MSANTD2: variants seen among roughly 807,000 people sequenced by gnomAD.
The protein encoded by MSANTD2 is Myb/SANT DNA binding domain containing 2.
In MSANTD2, 19 loss-of-function variants were observed where a neutral mutation model predicts 52.6. That is an observed-to-expected ratio of 0.36 (90% CI 0.25 to 0.53). The LOEUF (loss-of-function observed/expected upper bound fraction) is 0.53. MSANTD2 is among the 20% of genes least tolerant of loss of function. The pLI, the probability that MSANTD2 is intolerant of heterozygous loss-of-function variation, is 0.91. For synonymous variants in MSANTD2, 291 were observed against 289.7 expected (o/e 1.00, Z -0.04); for missense variants, 558 against 716.3 (o/e 0.78, Z 2.52).
chr11:124,799,979 C>T lies in MSANTD2; in HGVS notation c.402G>A (p.Thr134=). The change falls in exon 1 of 4, where the codon ACG becomes ACA. Residue 134 remains threonine (T), a synonymous_variant. Transcript: ENST00000374979. The part of the protein sequence containing the change: ...ARYQQLEGAG[T]VFGSKAPGPA... ...GCCCGGGGGCCTTGCTGCCGAACAC[C>T]GTGCCGGCTCCCTCCAGCTGCTGGT... 1.3e-6 allele frequency: 2 copies of T among 1,584,710 alleles called. No homozygotes were observed. The highest frequency in any genetic ancestry group is 1.7e-6 in the Non-Finnish European group (2 of 1,174,720).
chr11:124,794,925 C>T (rs1479197424), intron 1 of MSANTD2, among the ~76,000 whole-genome samples: 9 of 152,144 alleles, frequency 5.9e-5, no homozygotes, highest in African/African-American at 2.2e-4. Flanking sequence ...GTCACCCAAG[C>T]TGAAGTTCAG....
chr11:124,773,139 C>A, intron 2 of MSANTD2, 85 bp from the exon 3 acceptor site: 1 of 751,240 alleles, frequency 1.3e-6, no homozygotes, highest in Non-Finnish European at 2.3e-6. Flanking sequence ...GTTTACTGAT[C>A]ATTCCATACT....
chr11:124,784,253 A>G, intron 1 of MSANTD2: 3 of 985,348 alleles, frequency 3.0e-6, no homozygotes, highest in Non-Finnish European at 3.6e-6. Context: ...CTAAGTCAGC[A>G]CCTCTTTGAA....
At chr11:124,786,908 T>A (rs373990361) in intron 1 of MSANTD2, among the ~76,000 whole-genome samples, 3 of 152,326 alleles carry the variant, frequency 2.0e-5, no homozygotes, top group South Asian at 4.1e-4. Flanking sequence ...AAAGGTGATA[T>A]AAGCAAGTGG....
At chr11:124,772,061 C>T (rs2135233025) in intron 3 of MSANTD2, among the ~76,000 whole-genome samples, 1 of 152,288 alleles carries the variant, frequency 6.6e-6, no homozygotes, top group Middle Eastern at 3.4e-3. Context: ...ACTATGATGT[C>T]CTTGCACAAA....
intron 1 of MSANTD2, among the ~76,000 whole-genome samples, chr11:124,787,541 C>A (rs147240455): frequency 6.6e-6 from 1 of 152,094 alleles, no homozygotes; most frequent in Admixed American, 6.6e-5. Context: ...CCACCAAACC[C>A]GGCTAATTTT....
chr11:124,775,546 C>G (rs983428404), intron 1 of MSANTD2: 11 of 152,524 alleles, frequency 7.2e-5, no homozygotes, highest in African/African-American at 2.7e-4. Flanking sequence ...TTTGTGGAAG[C>G]CGCTAAAATT....
chr11:124,770,061 C>T (rs1944445804), intron 3 of MSANTD2, among the ~76,000 whole-genome samples: 1 of 152,162 alleles, frequency 6.6e-6, no homozygotes, highest in African/African-American at 2.4e-5. Context: ...TTAAACAATT[C>T]CTGAGAACTG....
intron 1 of MSANTD2, chr11:124,784,396 G>C (rs951533053): frequency 2.0e-6 from 2 of 985,022 alleles, no homozygotes; most frequent in African/African-American, 3.5e-5. Flanking sequence ...TGGCATAGCA[G>C]GGGAGAACCA....
At chr11:124,769,733 C>G (rs1279340904) in intron 3 of MSANTD2, among the ~76,000 whole-genome samples, 1 of 152,216 alleles carries the variant, frequency 6.6e-6, no homozygotes, top group Non-Finnish European at 1.5e-5. Context: ...CCACCTATAC[C>G]TACAGAGAAA....
chr11:124,767,688 T>G lies in MSANTD2; in HGVS notation c.1168A>C (p.Met390Leu), dbSNP rs745787951. The change falls in exon 4 of 4, where the codon ATG (methionine) becomes CTG (leucine). Residue 390 changes from methionine to leucine, a missense_variant. Transcript: ENST00000374979. The surrounding 1 kb of genome is among the most constrained non-coding windows in gnomAD (Gnocchi z 6.5). ...ISEARCLELH[M>L]EIDWIPIAHS... The stretch of plus-strand genomic sequence containing the variant: ...GCAATGGGTATCCAGTCAATTTCCA[T>G]GTGCAGCTCCAAGCACCTAGCTTCG... 1.2e-6 allele frequency: 2 copies of G among 1,614,140 alleles called. No individual in the cohort carries two copies. The highest frequency in any genetic ancestry group is 2.7e-5 in the African/African-American group (2 of 74,950).
intron 1 of MSANTD2, chr11:124,783,870 T>C: frequency 1.0e-6 from 1 of 985,394 alleles, no homozygotes; most frequent in Non-Finnish European, 1.2e-6. Flanking sequence ...CTTCTGACCC[T>C]ATGCTATGTG....
chr11:124,767,555 G>A lies in MSANTD2; in HGVS notation c.1301C>T (p.Pro434Leu), dbSNP rs1474176366. ...AIGYEECIER[P>L]LSPHMEQSSL... ...ACTTTGCTCCATGTGTGGTGAGAGG[G>A]GCCTCTCAATACATTCTTCATAGCC... is the stretch of plus-strand genomic sequence containing the variant. The change falls in exon 4 of 4, where the codon CCC becomes CTC. Residue 434 changes from proline (P) to leucine (L), a missense_variant. Transcript: ENST00000374979. The surrounding 1 kb of genome is among the most constrained non-coding windows in gnomAD (Gnocchi z 6.5). The A allele has an allele frequency of 6.2e-7, 1 of 1,613,966 alleles. No individual in the cohort carries two copies. Among genetic ancestry groups the A allele is most frequent in the African/African-American group, 1.3e-5 (1 of 74,876 alleles).
chr11:124,768,038 C>T lies in MSANTD2; in HGVS notation c.828-10G>A, dbSNP rs1487751722. On this transcript the variant is annotated splice_polypyrimidine_tract_variant and intron_variant, in intron 3 of 3. Coordinates refer to ENST00000374979, the MANE Select transcript of MSANTD2 (RefSeq NM_001308027.2). ...CATGATGTCTCTCTTCCTGGAAAGA[C>T]AAATAAAAGTCAAATTCCCTAAGTA... The T allele has an allele frequency of 1.3e-6, 2 of 1,588,392 alleles. No individual in the cohort carries two copies. The highest frequency in any genetic ancestry group is 1.7e-6 in the Non-Finnish European group (2 of 1,165,008).
chr11:124,789,107 T>A (rs1486862041), intron 1 of MSANTD2: 1 of 152,170 alleles, frequency 6.6e-6, no homozygotes, highest in African/African-American at 2.4e-5. Flanking sequence ...TTCCTTAAGA[T>A]GGTGTATAGG....
rs1444751073 is a variant in MSANTD2, at chr11:124,767,682, T to C, written c.1174A>G (p.Ile392Val). 5 of 1,614,242 alleles carry C rather than the reference T, an allele frequency of 3.1e-6. No homozygotes were observed. The Admixed American group carries it at 8.3e-5, about 27-fold the overall frequency. ...GAGTGGGCAATGGGTATCCAGTCAA[T>C]TTCCATGTGCAGCTCCAAGCACCTA... Reference protein sequence around the residue: ...EARCLELHMEIDWIPIAHSKP... With the variant: ...EARCLELHMEVDWIPIAHSKP... Residue 392 changes from isoleucine (I) to valine (V), a missense_variant, in exon 4 of 4, where the codon ATT (isoleucine) becomes GTT (valine). Ile to Val is a conservative substitution (Grantham distance 29). Coordinates refer to ENST00000374979, the MANE Select transcript of MSANTD2 (RefSeq NM_001308027.2). The surrounding 1 kb of genome is among the most constrained non-coding windows in gnomAD (Gnocchi z 6.5).
chr11:124,776,837 T>C lies in MSANTD2; in HGVS notation c.511-1863A>G, dbSNP rs554473585. ...TCATTCTCCCTTTCTTGAGATCTCT[T>C]CTGGAGCCTCAAATGATGCCTTAGA... On this transcript the variant is annotated intron_variant, in intron 1 of 3. Transcript: ENST00000374979. Among the ~76,000 whole-genome samples the C allele has an allele frequency of 4.6e-5, 7 of 152,364 alleles. No homozygotes were observed. The East Asian group carries it at 1.2e-3, about 25-fold the overall frequency.
At chr11:124,790,026 CTTCT>C (rs1945281328) in intron 1 of MSANTD2, 1 of 152,102 alleles carries the variant, frequency 6.6e-6, no homozygotes, top group Non-Finnish European at 1.5e-5. Flanking sequence ...AAAGTTTTTC[CTTCT>C]ATTTTATTTC....
chr11:124,784,489 C>G (rs2135254980), intron 1 of MSANTD2: 6 of 985,102 alleles, frequency 6.1e-6, no homozygotes, highest in African/African-American at 1.7e-5. Flanking sequence ...TAAACCCCCC[C>G]CCCGCCACCT....
Sources: allele counts gnomAD v4.1 joint callset (sites outside exome capture counted in the v4.1 genomes callset), GRCh38; gene constraint gnomAD v4.1.1; non-coding constraint Gnocchi (gnomAD v3.1); transcripts MANE v1.5; gene names NCBI Gene and HGNC (gene_info 2026-07-23, HGNC 2026-07-21).